ANO6: variants seen among roughly 807,000 people sequenced by gnomAD.
The protein encoded by ANO6 is anoctamin-6.
Under a neutral mutation model 117.5 loss-of-function variants are expected in ANO6, and 106 were observed. The ratio of observed to expected loss-of-function variants is 0.90; its 90% CI spans 0.77 to 1.06. The LOEUF is 1.06. Among genes scored for constraint, ANO6 ranks in the 50% least tolerant of loss-of-function variants. ANO6 has a pLI of 0.00. For missense variants in ANO6, 955 were observed against 1,121.1 expected (o/e 0.85, Z 2.12); for synonymous variants, 367 against 385.1 (o/e 0.95, Z 0.55).
intron 2 of ANO6, among the ~76,000 whole-genome samples, chr12:45,311,401 C>T (rs1042146245): frequency 7.2e-5 from 11 of 152,060 alleles, no homozygotes; most frequent in African/African-American, 1.9e-4. Context: ...AAATCTAGGT[C>T]GCATTTGTAC....
At chr12:45,267,853 C>T (rs1020745651) in intron 1 of ANO6, among the ~76,000 whole-genome samples, 3 of 151,996 alleles carry the variant, frequency 2.0e-5, no homozygotes, top group Admixed American at 6.6e-5. Context: ...AAGAAGAAAC[C>T]GGAAATAGCC....
At chr12:45,227,051 C>T (rs11182923) in intron 1 of ANO6, among the ~76,000 whole-genome samples, 10,689 of 146,186 alleles carry the variant, frequency 0.073, 533 homozygotes, top group East Asian at 0.3. Context: ...TGCAGTGGCA[C>T]GATCTTGGCT....
chr12:45,389,455 C>G (rs1345007662), intron 11 of ANO6, among the ~76,000 whole-genome samples: 1 of 152,170 alleles, frequency 6.6e-6, no homozygotes, highest in Non-Finnish European at 1.5e-5. Flanking sequence ...GGGAAAAATA[C>G]TGAAGAAAAG....
chr12:45,360,778 T>C (rs73093318), intron 8 of ANO6, among the ~76,000 whole-genome samples: 321 of 152,286 alleles, frequency 2.1e-3, no homozygotes, highest in Non-Finnish European at 3.5e-3. Context: ...GTAAATGGTA[T>C]GAGATAGGGT....
intron 15 of ANO6, 117 bp from the exon 16 acceptor site, chr12:45,409,240 A>G: frequency 7.3e-7 from 1 of 1,371,524 alleles, no homozygotes; most frequent in Non-Finnish European, 1.0e-6. Flanking sequence ...TAGCATGCAA[A>G]CAAAAAAATA....
chr12:45,297,111 C>T (rs1939319738), intron 1 of ANO6, among the ~76,000 whole-genome samples: 1 of 152,106 alleles, frequency 6.6e-6, no homozygotes, highest in Admixed American at 6.5e-5. Context: ...AACTTGAACC[C>T]AGTCAGTCCC....
At chr12:45,385,684 A>G (rs1942279801) in intron 10 of ANO6, among the ~76,000 whole-genome samples, 1 of 152,154 alleles carries the variant, frequency 6.6e-6, no homozygotes, top group African/African-American at 2.4e-5. Context: ...TCCCATTGAC[A>G]AAGAAGCCAA....
intron 12 of ANO6, among the ~76,000 whole-genome samples, chr12:45,397,178 C>T (rs920361440): frequency 1.3e-5 from 2 of 152,044 alleles, no homozygotes; most frequent in South Asian, 4.2e-4. Flanking sequence ...GTGGGCAAAG[C>T]ATATGAACAG....
intron 8 of ANO6, 82 bp downstream of exon 8, chr12:45,357,506 TAAGAC>T: frequency 1.0e-5 from 16 of 1,530,592 alleles, no homozygotes; most frequent in Non-Finnish European, 1.4e-5. Context: ...ACTGTTTTGG[TAAGAC>T]AAGACTGACT....
At chr12:45,362,590 T>G (rs184568515) in intron 8 of ANO6, among the ~76,000 whole-genome samples, 119 of 152,270 alleles carry the variant, frequency 7.8e-4, no homozygotes, top group Middle Eastern at 3.4e-3. Context: ...GTTTTCCATG[T>G]GTCTTTTTGT....
chr12:45,401,642 T>C (rs563861934), intron 12 of ANO6, among the ~76,000 whole-genome samples, 153 bp from the exon 13 acceptor site: 3 of 152,326 alleles, frequency 2.0e-5, no homozygotes, highest in South Asian at 4.1e-4. Flanking sequence ...TTTTAAAAAA[T>C]TTAACATGCC....
chr12:45,306,282 C>T (rs1565677730), intron 2 of ANO6, among the ~76,000 whole-genome samples: 1 of 151,974 alleles, frequency 6.6e-6, no homozygotes, highest in African/African-American at 2.4e-5. Flanking sequence ...TCATGCCAAC[C>T]GAGGATGTTT....
chr12:45,274,752 C>G (rs1376618151), intron 1 of ANO6, among the ~76,000 whole-genome samples: 1 of 150,770 alleles, frequency 6.6e-6, no homozygotes, highest in Non-Finnish European at 1.5e-5. Context: ...TGTGCTCTAG[C>G]CACACCTGTC....
chr12:45,302,198 A>T (rs1592937689), intron 2 of ANO6, 105 bp downstream of exon 2: 2 of 986,522 alleles, frequency 2.0e-6, no homozygotes, highest in Non-Finnish European at 3.2e-6. Flanking sequence ...ATGGCTGTAG[A>T]TCCTACATAG....
Position 45,432,288 on chromosome 12 carries a change from CTG to C in ANO6, c.*2980_*2981del, listed in dbSNP as rs1943652937. 3 of 926,354 alleles carry C rather than the reference CTG, an allele frequency of 3.2e-6. No homozygotes were observed. The highest frequency in any genetic ancestry group is 6.2e-5 in the Admixed American group (1 of 16,174). 57.4% of individuals were successfully genotyped at this position (926,354 alleles called of 1,614,324 possible). A position where few individuals can be genotyped will look rare whatever the true frequency, so the allele number is the denominator to read the frequency against. On this transcript the variant is annotated 3_prime_UTR_variant, in exon 20 of 20. Transcript: ENST00000320560. ...CTTTTATAATTATTAATGTTAATTT[CTG>C]TGCATTTTAATATTCTTTTATAATT... is the stretch of plus-strand genomic sequence containing the variant.
chr12:45,412,891 GA>G (rs1222033451), intron 16 of ANO6, among the ~76,000 whole-genome samples: 3 of 152,206 alleles, frequency 2.0e-5, no homozygotes, highest in Non-Finnish European at 4.4e-5. Flanking sequence ...TTTGAAGGGT[GA>G]ATGGAAGTTA....
At chr12:45,353,716 A>G (rs1204152539) in intron 7 of ANO6, among the ~76,000 whole-genome samples, 1 of 152,176 alleles carries the variant, frequency 6.6e-6, no homozygotes, top group Non-Finnish European at 1.5e-5. Context: ...ACCTAGGGGA[A>G]CCAGACTTTG....
chr12:45,278,452 A>G (rs1229587365), intron 1 of ANO6, among the ~76,000 whole-genome samples: 1 of 152,042 alleles, frequency 6.6e-6, no homozygotes, highest in Non-Finnish European at 1.5e-5. Flanking sequence ...CCAATTTTCC[A>G]TGTTTCCTAT....
In ANO6 at chr12:45,216,381, T is replaced by C. The variant is rs1947311350; in HGVS notation, c.60T>C (p.Asp20=). 5.6e-6 allele frequency: 9 copies of C among 1,612,250 alleles called. No individual in the cohort carries two copies. Among genetic ancestry groups the C allele is most frequent in the Non-Finnish European group, 7.6e-6 (9 of 1,179,290 alleles). The part of the protein sequence containing the change: ...LQMEEEEDDD[D]GDIVLENLGQ... Reference sequence around the variant, plus strand: ...TGGAGGAGGAGGAGGACGACGACGATGGGGATATCGGTGAGCGAGGGGTCC... The same window carrying C: ...TGGAGGAGGAGGAGGACGACGACGACGGGGATATCGGTGAGCGAGGGGTCC... Residue 20 remains aspartate, a synonymous_variant, in exon 1 of 20, where the codon GAT becomes GAC. Coordinates refer to ENST00000320560, the MANE Select transcript of ANO6 (RefSeq NM_001025356.3).
Sources: gnomAD v4.1 joint callset for allele counts (sites outside exome capture counted in the v4.1 genomes callset) on GRCh38, gnomAD v4.1.1 for gene constraint, MANE v1.5 for transcripts, NCBI Gene and HGNC (gene_info 2026-07-23, HGNC 2026-07-21) for gene names.